The following IL20RA variants were observed in gnomAD, a reference collection of about 807,000 sequenced individuals.
IL20RA encodes the protein interleukin-20 receptor subunit alpha.
In IL20RA, 29 loss-of-function variants were observed where a neutral mutation model predicts 36.5. The ratio of observed to expected loss-of-function variants is 0.79; its 90% CI spans 0.59 to 1.08. The LOEUF is 1.08. Among genes scored for constraint, IL20RA ranks in the 50% least tolerant of loss-of-function variants. The pLI, the probability that IL20RA is intolerant of heterozygous loss-of-function variation, is 0.00. For missense variants in IL20RA, 652 were observed against 668.4 expected (o/e 0.98, Z 0.27); for synonymous variants, 279 against 267.1 (o/e 1.04, Z -0.43).
intron 2 of IL20RA, among the ~76,000 whole-genome samples, chr6:137,014,855 T>C (rs1313932063): frequency 6.6e-6 from 1 of 152,220 alleles, no homozygotes; most frequent in African/African-American, 2.4e-5. Flanking sequence ...AGTTCTTCTT[T>C]TGGGTTTGTC....
At chr6:137,038,677 G>T (rs1424679513) in intron 1 of IL20RA, among the ~76,000 whole-genome samples, 1 of 152,070 alleles carries the variant, frequency 6.6e-6, no homozygotes, top group Non-Finnish European at 1.5e-5. Context: ...TGGATAATGC[G>T]ATTTTACTCC....
At position 137,000,653 on chromosome 6, in the gene IL20RA, C is replaced by T. The variant is rs1347972447; in HGVS notation, c.*905G>A. ...ATTATAAGAATAGAGGATATTCATT[C>T]ATAGATATTCCAAAGAGTCTTTGAA... On this transcript the variant is annotated 3_prime_UTR_variant, in exon 7 of 7. Coordinates refer to ENST00000316649, the MANE Select transcript of IL20RA (RefSeq NM_014432.4). The T allele has an allele frequency of 6.6e-6, 1 of 152,142 alleles. No homozygotes were observed. The highest frequency in any genetic ancestry group is 6.5e-5 in the Admixed American group (1 of 15,270). 9.4% of individuals were successfully genotyped at this position (152,142 alleles called of 1,614,324 possible).
intron 1 of IL20RA, among the ~76,000 whole-genome samples, chr6:137,027,402 T>G (rs1195892825): frequency 6.6e-6 from 1 of 152,214 alleles, no homozygotes; most frequent in African/African-American, 2.4e-5. Flanking sequence ...AATAATACTG[T>G]CCATTCTTAC....
At chr6:137,019,860 T>A (rs1775836180) in intron 1 of IL20RA, among the ~76,000 whole-genome samples, 1 of 152,236 alleles carries the variant, frequency 6.6e-6, no homozygotes, top group South Asian at 2.1e-4. Context: ...GTGAACTATG[T>A]ATGCCTCCCC....
intron 1 of IL20RA, among the ~76,000 whole-genome samples, chr6:137,034,950 A>G (rs1325509148): frequency 6.6e-6 from 1 of 151,178 alleles, no homozygotes; most frequent in Non-Finnish European, 1.5e-5. Context: ...ATCTCAGAAA[A>G]AAAAAAAAAA....
At chr6:137,017,694 G>A (rs535323376) in intron 1 of IL20RA, among the ~76,000 whole-genome samples, 44 of 151,914 alleles carry the variant, frequency 2.9e-4, no homozygotes, top group South Asian at 1.5e-3. Context: ...GGTTAGAATT[G>A]GGACTGCCTT....
Position 137,004,571 on chromosome 6 carries a change from C to G in IL20RA, c.864+50G>C, listed in dbSNP as rs80296088. 4.7e-3 allele frequency: 7,282 copies of G among 1,551,546 alleles called. 321 individuals are homozygous for G. In the African/African-American group the frequency reaches 0.086, roughly 18 times the overall value. The stretch of plus-strand genomic sequence containing the variant: ...GTTCTAGAACCTCCTCTTCTGTCCT[C>G]CTGGAGGTGTACTATTATAATAAAG... On this transcript the variant is annotated intron_variant, in intron 6 of 6. Coordinates refer to ENST00000316649, the MANE Select transcript of IL20RA (RefSeq NM_014432.4).
intron 4 of IL20RA, 54 bp from the exon 5 acceptor site, chr6:137,008,797 CCAGA>C (rs1775366018): frequency 3.6e-6 from 5 of 1,404,094 alleles, no homozygotes; most frequent in Non-Finnish European, 4.8e-6. Context: ...TGGGACCACC[CCAGA>C]CAAATAACTG....
At chr6:137,032,910 G>T (rs1426159997) in intron 1 of IL20RA, among the ~76,000 whole-genome samples, 1 of 152,164 alleles carries the variant, frequency 6.6e-6, no homozygotes, top group Non-Finnish European at 1.5e-5. Flanking sequence ...CAGAAGACTG[G>T]CTCTTTGAGG....
chr6:137,015,630 G>T (rs1243740223), intron 2 of IL20RA, among the ~76,000 whole-genome samples: 1 of 152,100 alleles, frequency 6.6e-6, no homozygotes, highest in Non-Finnish European at 1.5e-5. Flanking sequence ...CAGATAATGA[G>T]CTTTTGCTCT....
At chr6:137,010,930 C>T (rs550922823) in intron 3 of IL20RA, among the ~76,000 whole-genome samples, 1 of 152,014 alleles carries the variant, frequency 6.6e-6, no homozygotes, top group Non-Finnish European at 1.5e-5. Flanking sequence ...CTTGGTTAAA[C>T]CTTTCACTCT....
chr6:137,027,163 T>C (rs1776119251), intron 1 of IL20RA, among the ~76,000 whole-genome samples: 1 of 152,216 alleles, frequency 6.6e-6, no homozygotes, highest in South Asian at 2.1e-4. Context: ...ATTACAGGCA[T>C]GAGCCACCAC....
chr6:137,037,025 T>C (rs1461978336), intron 1 of IL20RA, among the ~76,000 whole-genome samples: 3 of 152,198 alleles, frequency 2.0e-5, no homozygotes, highest in South Asian at 2.1e-4. Context: ...TAGGAGCACA[T>C]AGCTGCCAAA....
chr6:137,041,960 C>T (rs1776711813), intron 1 of IL20RA, among the ~76,000 whole-genome samples: 1 of 152,158 alleles, frequency 6.6e-6, no homozygotes, highest in Admixed American at 6.5e-5. Context: ...CTATCCCTCC[C>T]CTAGCCCCCA....
At chr6:137,010,810 A>T (rs1775466815) in intron 3 of IL20RA, among the ~76,000 whole-genome samples, 1 of 152,162 alleles carries the variant, frequency 6.6e-6, no homozygotes, top group South Asian at 2.1e-4. Context: ...AAATAAAGTC[A>T]TTTTGTTCCT....
intron 1 of IL20RA, among the ~76,000 whole-genome samples, chr6:137,041,678 C>T (rs1013658452): frequency 2.0e-5 from 3 of 152,134 alleles, no homozygotes; most frequent in African/African-American, 4.8e-5. Flanking sequence ...TTAAGTCATT[C>T]TAATAAGCAT....
At chr6:137,012,754 A>G (rs1036279900) in intron 2 of IL20RA, among the ~76,000 whole-genome samples, 1 of 152,242 alleles carries the variant, frequency 6.6e-6, no homozygotes. Context: ...AAATATCATA[A>G]AGGTCAAGGG....
At chr6:137,034,756 C>T (rs909488388) in intron 1 of IL20RA, among the ~76,000 whole-genome samples, 11 of 151,674 alleles carry the variant, frequency 7.3e-5, no homozygotes, top group East Asian at 1.9e-4. Flanking sequence ...CTGGCTAACA[C>T]GGTGAAACCC....
chr6:137,015,548 C>A (rs1775653576), intron 2 of IL20RA, among the ~76,000 whole-genome samples: 1 of 152,164 alleles, frequency 6.6e-6, no homozygotes, highest in African/African-American at 2.4e-5. Flanking sequence ...TATGCTAGTT[C>A]CCTTGGGACT....
Sources: gnomAD v4.1 joint callset for allele counts (sites outside exome capture counted in the v4.1 genomes callset) on GRCh38, gnomAD v4.1.1 for gene constraint, MANE v1.5 for transcripts, NCBI Gene and HGNC (gene_info 2026-07-23, HGNC 2026-07-21) for gene names.